SLAMF6: variants seen among roughly 807,000 people sequenced by gnomAD.
SLAMF6 encodes the protein SLAM family member 6.
Under a neutral mutation model 38.3 loss-of-function variants are expected in SLAMF6, and 21 were observed. The observed-to-expected ratio is 0.55, with a 90% CI of 0.39 to 0.79. The LOEUF (loss-of-function observed/expected upper bound fraction) is 0.79. Ranked by LOEUF, SLAMF6 falls within the 30% of genes least tolerant of loss-of-function variation. The pLI, the probability that SLAMF6 is intolerant of heterozygous loss-of-function variation, is 0.00. For missense variants in SLAMF6, 341 were observed against 385.3 expected, an observed-to-expected ratio of 0.89 and a Z score of 0.96; for synonymous variants, 152 against 146.3, an observed-to-expected ratio of 1.04 and a Z score of -0.28.
At chr1:160,519,197 A>G (rs1241507496) in intron 1 of SLAMF6, among the ~76,000 whole-genome samples, 7 of 152,226 alleles carry the variant, frequency 4.6e-5, no homozygotes, top group African/African-American at 1.7e-4. Context: ...GCCAATAAAC[A>G]CTTAAAAAGA....
intron 1 of SLAMF6, among the ~76,000 whole-genome samples, chr1:160,500,604 A>G (rs1653835283): frequency 6.6e-6 from 1 of 152,086 alleles, no homozygotes; most frequent in South Asian, 2.1e-4. Flanking sequence ...ACCATCTAGT[A>G]TACTTTATAA....
At chr1:160,494,107 G>A (rs1653443096) in intron 2 of SLAMF6, among the ~76,000 whole-genome samples, 1 of 152,078 alleles carries the variant, frequency 6.6e-6, no homozygotes, top group Non-Finnish European at 1.5e-5. Flanking sequence ...TTCATATCCT[G>A]GCACATACCA....
At chr1:160,487,040 T>C (rs150822150) in intron 7 of SLAMF6, 64 bp downstream of exon 7, 2 of 1,400,162 alleles carry the variant, frequency 1.4e-6, no homozygotes, top group African/African-American at 2.9e-5. Context: ...TTACTTTATT[T>C]GAAAAATCAT....
At chr1:160,507,423 T>C (rs11265418) in intron 1 of SLAMF6, among the ~76,000 whole-genome samples, 115,588 of 151,994 alleles carry the variant, frequency 0.76, 46,644 homozygotes, top group Non-Finnish European at 0.91. Context: ...GAGAAATAGA[T>C]AGTTCTACAG....
intron 1 of SLAMF6, among the ~76,000 whole-genome samples, chr1:160,497,733 T>G (rs534796577): frequency 1.3e-5 from 2 of 152,276 alleles, no homozygotes; most frequent in African/African-American, 4.8e-5. Context: ...GCATGTAGTA[T>G]TTGGTTTTCT....
chr1:160,509,935 A>G (rs902169810), intron 1 of SLAMF6, among the ~76,000 whole-genome samples: 3 of 152,190 alleles, frequency 2.0e-5, no homozygotes, highest in African/African-American at 7.2e-5. Context: ...TACAGATCTT[A>G]TAGAAATAAC....
chr1:160,496,892 GTTC>G (rs1440459988), intron 1 of SLAMF6, among the ~76,000 whole-genome samples: 3 of 152,210 alleles, frequency 2.0e-5, no homozygotes, highest in African/African-American at 2.4e-5. Flanking sequence ...AGGATAGTCA[GTTC>G]TTCTTATATA....
chr1:160,494,382 C>A (rs1260170887), intron 2 of SLAMF6, among the ~76,000 whole-genome samples: 1 of 152,120 alleles, frequency 6.6e-6, no homozygotes, highest in Admixed American at 6.5e-5. Flanking sequence ...CCATTTCAGG[C>A]TTTCCATTGG....
chr1:160,494,210 G>C (rs1653446899), intron 2 of SLAMF6, among the ~76,000 whole-genome samples: 2 of 152,148 alleles, frequency 1.3e-5, no homozygotes, highest in Admixed American at 1.3e-4. Flanking sequence ...AGCTTACACA[G>C]TTCTCTGTGT....
rs550445717 is a variant in SLAMF6 at position 160,512,970 on chromosome 1, G to GT, written c.49+10173dup. ...AGTGTCTCTTCTCCTCCAAATGATTGTAACACCTCTCCAGCAGGGCACACA... is the reference window on the plus strand; with the variant it reads ...AGTGTCTCTTCTCCTCCAAATGATTGTTAACACCTCTCCAGCAGGGCACACA... On this transcript the variant is annotated intron_variant, in intron 1 of 7. Transcript: ENST00000368057. Among the ~76,000 whole-genome samples the GT allele has an allele frequency of 1.7e-3, 259 of 152,268 alleles. 1 individual carries two copies. Among genetic ancestry groups the GT allele is most frequent in the South Asian group, 3.7e-3 (18 of 4,820 alleles).
At chr1:160,517,892 G>C (rs542739391) in intron 1 of SLAMF6, among the ~76,000 whole-genome samples, 2 of 151,760 alleles carry the variant, frequency 1.3e-5, no homozygotes, top group Non-Finnish European at 2.9e-5. Flanking sequence ...AAGAAAAATA[G>C]ATAATGCATG....
intron 1 of SLAMF6, among the ~76,000 whole-genome samples, chr1:160,510,327 A>G (rs765504528): frequency 6.6e-6 from 1 of 152,164 alleles, no homozygotes; most frequent in Non-Finnish European, 1.5e-5. Context: ...ATGAATATTG[A>G]TGCAAAAACT....
chr1:160,515,586 C>T (rs1198570028), intron 1 of SLAMF6, among the ~76,000 whole-genome samples: 1 of 152,108 alleles, frequency 6.6e-6, no homozygotes, highest in Non-Finnish European at 1.5e-5. Flanking sequence ...TCCTGATGAA[C>T]ACTGATGCAA....
intron 1 of SLAMF6, among the ~76,000 whole-genome samples, chr1:160,503,350 A>G (rs1654012665): frequency 1.3e-5 from 2 of 152,010 alleles, no homozygotes; most frequent in Admixed American, 6.5e-5. Context: ...GACACGCACC[A>G]TTCATGGAGT....
chr1:160,519,755 A>C (rs1348993491), intron 1 of SLAMF6, among the ~76,000 whole-genome samples: 5 of 142,826 alleles, frequency 3.5e-5, no homozygotes, highest in Non-Finnish European at 7.6e-5. Context: ...AAACCCACAG[A>C]GACAGAAAGC....
At position 160,490,661 on chromosome 1, in the gene SLAMF6, G is replaced by C. The variant is rs1473729060; in HGVS notation, c.671C>G (p.Thr224Ser). 6.2e-7 allele frequency: 1 copy of C among 1,613,724 alleles called. No individual in the cohort carries two copies. Among genetic ancestry groups the C allele is most frequent in the South Asian group, 1.1e-5 (1 of 91,028 alleles). Residue 224 changes from threonine (T) to serine (S), a missense_variant, in exon 4 of 8, where the codon ACC becomes AGC. Coordinates refer to ENST00000368057, the MANE Select transcript of SLAMF6 (RefSeq NM_001184714.2). ...CEDVKIQYTD[T>S]KMILFMVSGI... The stretch of plus-strand genomic sequence containing the variant: ...AGAAACCATAAACAGAATCATTTTG[G>C]TATCTGTATATTGAATTTTAACATC...
At chr1:160,509,678 T>G (rs966399035) in intron 1 of SLAMF6, among the ~76,000 whole-genome samples, 1 of 151,836 alleles carries the variant, frequency 6.6e-6, no homozygotes, top group Admixed American at 6.6e-5. Flanking sequence ...GGAGGAAATT[T>G]ACACTTTAAA....
intron 1 of SLAMF6, among the ~76,000 whole-genome samples, chr1:160,514,595 A>T (rs1404682454): frequency 1.3e-5 from 2 of 152,216 alleles, no homozygotes; most frequent in Non-Finnish European, 2.9e-5. Context: ...AATTGATCAC[A>T]TAATTGGAAG....
chr1:160,504,190 A>T (rs1160472668), intron 1 of SLAMF6, among the ~76,000 whole-genome samples: 2 of 152,064 alleles, frequency 1.3e-5, no homozygotes, highest in Non-Finnish European at 2.9e-5. Flanking sequence ...AAGTCTAGGA[A>T]TCTAATATAC....
Sources: allele counts gnomAD v4.1 joint callset (sites outside exome capture counted in the v4.1 genomes callset), GRCh38; gene constraint gnomAD v4.1.1; transcripts MANE v1.5; gene names NCBI Gene and HGNC (gene_info 2026-07-23, HGNC 2026-07-21).